Variants in PIK3R4 observed in about 807,000 individuals in gnomAD.
PIK3R4 encodes phosphoinositide 3-kinase regulatory subunit 4.
PIK3R4 carries 46 observed loss-of-function variants against 136.5 expected under a neutral mutation model. That is an observed-to-expected ratio of 0.34 (90% CI 0.27 to 0.43). The LOEUF is 0.43. Ranked by LOEUF, PIK3R4 falls within the 20% of genes least tolerant of loss-of-function variation. PIK3R4 has a pLI of 1.00. For missense variants in PIK3R4, 1,331 were observed against 1,649.5 expected (o/e 0.81, Z 3.35); for synonymous variants, 557 against 566.7 (o/e 0.98, Z 0.24).
At chr3:130,706,837 G>T in intron 11 of PIK3R4, 111 bp downstream of exon 11, 1 of 699,340 alleles carries the variant, frequency 1.4e-6, no homozygotes, top group South Asian at 3.9e-5. Context: ...CTCCCTAAAA[G>T]ACAAGTCACC....
chr3:130,715,764 T>C (rs2066661321), intron 9 of PIK3R4, among the ~76,000 whole-genome samples: 1 of 152,210 alleles, frequency 6.6e-6, no homozygotes, highest in Non-Finnish European at 1.5e-5. Flanking sequence ...ATTAGATCCA[T>C]TTGTCAATTC....
At chr3:130,698,511 T>C (rs993930027) in intron 13 of PIK3R4, among the ~76,000 whole-genome samples, 1 of 152,354 alleles carries the variant, frequency 6.6e-6, no homozygotes, top group African/African-American at 2.4e-5. Flanking sequence ...TCTGTTATTA[T>C]ACTTTTCAGT....
At chr3:130,724,825 G>GA (rs549113010) in intron 6 of PIK3R4, among the ~76,000 whole-genome samples, 2 of 151,904 alleles carry the variant, frequency 1.3e-5, no homozygotes, top group East Asian at 3.9e-4. Flanking sequence ...ATCTGGCACA[G>GA]AAAAAAATTC....
intron 2 of PIK3R4, among the ~76,000 whole-genome samples, chr3:130,736,545 T>C (rs918316511): frequency 6.6e-6 from 1 of 151,888 alleles, no homozygotes; most frequent in East Asian, 1.9e-4. Context: ...GATCGTGCCA[T>C]TGCACTCCAG....
chr3:130,723,743 C>A, intron 6 of PIK3R4, 156 bp from the exon 7 acceptor site: 1 of 553,568 alleles, frequency 1.8e-6, no homozygotes. Flanking sequence ...GTTAAAAAGA[C>A]CCACAGCAAG....
chr3:130,702,749 T>C (rs894118618), intron 13 of PIK3R4, among the ~76,000 whole-genome samples: 3 of 152,234 alleles, frequency 2.0e-5, no homozygotes, highest in African/African-American at 7.2e-5. Flanking sequence ...TGTACAAATC[T>C]AAAATATTTA....
intron 9 of PIK3R4, 116 bp from the exon 10 acceptor site, chr3:130,708,608 GA>G: frequency 1.1e-6 from 1 of 882,878 alleles, no homozygotes. Context: ...AAAAGAGACA[GA>G]AGGGTGAAAC....
Position 130,686,220 on chromosome 3 carries a change from G to C in PIK3R4, c.3466C>G (p.Leu1156Val). ...TTGAAAGTTAGCTTACCAATGCAGA[G>C]CCAGCATTGGTGGATGTCCACAGCA... is the stretch of plus-strand genomic sequence containing the variant. ...SFAVDIHQCW[L>V]CIGTSSGTMA... The change falls in exon 15 of 20, where the codon CTC (leucine) becomes GTC (valine). Residue 1156 changes from leucine (L) to valine (V), a missense_variant. By Grantham distance (32) the Leu-to-Val change is conservative. Coordinates refer to ENST00000356763, the MANE Select transcript of PIK3R4 (RefSeq NM_014602.3). The C allele has an allele frequency of 6.2e-7, 1 of 1,601,822 alleles. No individual in the cohort carries two copies. Among genetic ancestry groups the C allele is most frequent in the Non-Finnish European group, 8.6e-7 (1 of 1,169,006 alleles).
intron 9 of PIK3R4, among the ~76,000 whole-genome samples, chr3:130,712,371 A>G (rs996288005): frequency 6.6e-6 from 1 of 152,116 alleles, no homozygotes; most frequent in Non-Finnish European, 1.5e-5. Flanking sequence ...TAGCCCTGAC[A>G]TTAGAAACAA....
intron 13 of PIK3R4, among the ~76,000 whole-genome samples, chr3:130,699,247 T>C (rs2066563545): frequency 6.6e-6 from 1 of 152,194 alleles, no homozygotes; most frequent in African/African-American, 2.4e-5. Flanking sequence ...TAAATGGTGC[T>C]GATTAGTTTC....
At chr3:130,703,469 C>A (rs1382084729) in intron 13 of PIK3R4, among the ~76,000 whole-genome samples, 1 of 152,232 alleles carries the variant, frequency 6.6e-6, no homozygotes, top group African/African-American at 2.4e-5. Flanking sequence ...ACCTCTACTG[C>A]ATTTCCTAGC....
At chr3:130,705,905 A>G (rs2066603817) in intron 11 of PIK3R4, 134 bp from the exon 12 acceptor site, 3 of 526,862 alleles carry the variant, frequency 5.7e-6, no homozygotes, top group Non-Finnish European at 9.9e-6. Flanking sequence ...TAAAATCGAT[A>G]TAATTACAAT....
chr3:130,710,076 T>G (rs901810863), intron 9 of PIK3R4, among the ~76,000 whole-genome samples: 1 of 151,848 alleles, frequency 6.6e-6, no homozygotes, highest in Non-Finnish European at 1.5e-5. Context: ...AAAAACAAAT[T>G]GACAAGAACA....
chr3:130,682,965 C>T (rs1466238594), intron 16 of PIK3R4, among the ~76,000 whole-genome samples: 1 of 152,076 alleles, frequency 6.6e-6, no homozygotes, highest in Non-Finnish European at 1.5e-5. Flanking sequence ...GAAGATATTA[C>T]ATTAATAGGG....
At chr3:130,700,435 G>C (rs1049786427) in intron 13 of PIK3R4, among the ~76,000 whole-genome samples, 3 of 152,048 alleles carry the variant, frequency 2.0e-5, no homozygotes, top group Non-Finnish European at 4.4e-5. Context: ...AGCACAAGAA[G>C]AAAACATAGA....
rs2107607984 is a variant in PIK3R4, at chr3:130,705,747, T to G, written c.2746A>C (p.Asn916His). Reference protein sequence around the residue: ...SQVPEVTTVQNKKPVIPVLSS... With the variant: ...SQVPEVTTVQHKKPVIPVLSS... Reference sequence around the variant, plus strand: ...AAAACCGGTATTACTGGTTTTTTATTTTGGACAGTTGTCACTTCTGGAACC... The same window carrying G: ...AAAACCGGTATTACTGGTTTTTTATGTTGGACAGTTGTCACTTCTGGAACC... The change falls in exon 12 of 20, where the codon AAT (asparagine) becomes CAT (histidine). Residue 916 changes from asparagine to histidine, a missense_variant. Coordinates refer to ENST00000356763, the MANE Select transcript of PIK3R4 (RefSeq NM_014602.3). 6.2e-7 allele frequency: 1 copy of G among 1,608,160 alleles called. No individual in the cohort carries two copies.
At chr3:130,700,367 AT>A (rs1250951887) in intron 13 of PIK3R4, among the ~76,000 whole-genome samples, 1 of 152,222 alleles carries the variant, frequency 6.6e-6, no homozygotes, top group African/African-American at 2.4e-5. Context: ...ATTTCAACGA[AT>A]ACCAAATGCA....
intron 7 of PIK3R4, 136 bp downstream of exon 7, chr3:130,723,278 T>G: frequency 2.8e-6 from 2 of 710,834 alleles, no homozygotes. Flanking sequence ...CATACACACA[T>G]GCACACCCAC....
At chr3:130,680,560 A>C in intron 19 of PIK3R4, 53 bp downstream of exon 19, 1 of 939,572 alleles carries the variant, frequency 1.1e-6, no homozygotes, top group Non-Finnish European at 1.7e-6. Context: ...TTCTGTTTAC[A>C]AAAGCCATGT....
Sources: gnomAD v4.1 joint callset for allele counts (sites outside exome capture counted in the v4.1 genomes callset) on GRCh38, gnomAD v4.1.1 for gene constraint, MANE v1.5 for transcripts, NCBI Gene and HGNC (gene_info 2026-07-23, HGNC 2026-07-21) for gene names.